The following ZC3H12A variants were observed in gnomAD, a reference collection of about 807,000 sequenced individuals.
ZC3H12A encodes zinc finger CCCH-type containing 12A.
ZC3H12A carries 9 observed loss-of-function variants against 29.9 expected under a neutral mutation model. The ratio of observed to expected loss-of-function variants is 0.30; its 90% confidence interval spans 0.18 to 0.53. The LOEUF is 0.53. ZC3H12A is among the 20% of genes least tolerant of loss of function. ZC3H12A has a pLI of 0.96. For missense variants in ZC3H12A, 617 were observed against 799.0 expected (o/e 0.77, Z 2.75); for synonymous variants, 323 against 338.1 (o/e 0.96, Z 0.49).
chr1:37,480,251 G>C, intron 2 of ZC3H12A, 39 bp from the exon 3 acceptor site: 1 of 1,594,310 alleles, frequency 6.3e-7, no homozygotes, highest in Non-Finnish European at 8.6e-7. Context: ...GTGGCAGGCT[G>C]GCCATCAGTG....
At chr1:37,474,790 C>T (rs1487081086) in intron 1 of ZC3H12A, among the ~76,000 whole-genome samples, 161 bp downstream of exon 1, 1 of 152,072 alleles carries the variant, frequency 6.6e-6, no homozygotes, top group East Asian at 1.9e-4. Context: ...CCCGCCGGGC[C>T]TCAGGACCCC....
chr1:37,482,361 AT>A, intron 4 of ZC3H12A, 72 bp from the exon 5 acceptor site: 1 of 1,332,934 alleles, frequency 7.5e-7, no homozygotes, highest in African/African-American at 1.5e-5. Flanking sequence ...AAGGCTTGCC[AT>A]CGGCCCCTTC....
Position 37,478,767 on chromosome 1 carries a change from T to C in ZC3H12A, c.444-1523T>C, listed in dbSNP as rs1274854668. 1.1e-6 allele frequency: 1 copy of C among 870,148 alleles called. No homozygotes were observed. The highest frequency in any genetic ancestry group is 1.8e-5 in the African/African-American group (1 of 55,000). The allele number at this position is 870,148 out of a possible 1,614,324, so 53.9% of individuals were successfully genotyped here. ...AGGAGTTGATGATGGTATAGTGCCCTCCTCACAAGCTTGCTGATGATTCAG... is the reference window on the plus strand; with the variant it reads ...AGGAGTTGATGATGGTATAGTGCCCCCCTCACAAGCTTGCTGATGATTCAG... On this transcript the variant is annotated intron_variant, in intron 2 of 5. Transcript: ENST00000373087. The surrounding 1 kb of genome is among the most constrained non-coding windows in gnomAD (Gnocchi z 5.2).
At chr1:37,481,247 T>C (rs113710025) in intron 3 of ZC3H12A, among the ~76,000 whole-genome samples, 3 of 152,328 alleles carry the variant, frequency 2.0e-5, no homozygotes, top group African/African-American at 7.2e-5. Context: ...AAGCTGCGGC[T>C]CATTCACGGA....
At position 37,483,592 on chromosome 1, in the gene ZC3H12A, C is replaced by T. The variant is rs776260511; in HGVS notation, c.1781C>T (p.Ser594Phe). Reference sequence around the variant, plus strand: ...GCTGCCGAGATCCTCTCCTACAAGTCCCAGCACCCCAGTGAGTAAGCTGCC... The same window carrying T: ...GCTGCCGAGATCCTCTCCTACAAGTTCCAGCACCCCAGTGAGTAAGCTGCC... ...QLAAEILSYK[S>F]QHPSE Residue 594 changes from serine (S) to phenylalanine (F), a missense_variant, in exon 6 of 6, where the codon TCC becomes TTC. Around this residue, in one of 5 missense-constraint regions of ZC3H12A, gnomAD observed 172 missense variants for 203.1 expected, o/e 0.85. Transcript: ENST00000373087. 6.3e-5 allele frequency: 102 copies of T among 1,608,164 alleles called. No individual in the cohort carries two copies. Among genetic ancestry groups the T allele is most frequent in the Non-Finnish European group, 8.3e-5 (98 of 1,177,916 alleles).
Position 37,479,415 on chromosome 1 carries a change from CT to C in ZC3H12A, c.444-873del. The C allele has an allele frequency of 1.0e-6, 1 of 985,440 alleles. No homozygotes were observed. Among genetic ancestry groups the C allele is most frequent in the Non-Finnish European group, 1.2e-6 (1 of 829,932 alleles). 61.0% of individuals were successfully genotyped at this position (985,440 alleles called of 1,614,324 possible). ...GCGGCAGCCCAGGAGCCCTGCCAGG[CT>C]TCCTTCTGGGTGCAGCCACCTGTGG... On this transcript the variant is annotated intron_variant, in intron 2 of 5. Transcript: ENST00000373087. The surrounding 1 kb of genome is among the most constrained non-coding windows in gnomAD (Gnocchi z 4.5).
In ZC3H12A at chr1:37,483,024, C is replaced by G; in HGVS notation, c.1213C>G (p.Leu405Val). The G allele has an allele frequency of 6.2e-7, 1 of 1,607,810 alleles. No individual in the cohort carries two copies. Among genetic ancestry groups the G allele is most frequent in the East Asian group, 2.2e-5 (1 of 44,568 alleles). Residue 405 changes from leucine to valine, a missense_variant, in exon 6 of 6, where the codon CTC becomes GTC. By Grantham distance (32) the Leu-to-Val change is conservative. This residue lies in a region of ZC3H12A where 115 missense variants were observed against 112.5 expected (regional missense o/e 1.02). Coordinates refer to ENST00000373087, the MANE Select transcript of ZC3H12A (RefSeq NM_025079.3). ...GACCTATGCCCCATCAGGCAGGAGCCTCGCACCTAGCGGGGGCAGTGGCAG... is the reference window on the plus strand; with the variant it reads ...GACCTATGCCCCATCAGGCAGGAGCGTCGCACCTAGCGGGGGCAGTGGCAG... ...TQTYAPSGRS[L>V]APSGGSGSSF...
chr1:37,480,012 G>A, intron 2 of ZC3H12A: 1 of 1,166,036 alleles, frequency 8.6e-7, no homozygotes, highest in Non-Finnish European at 1.1e-6. Flanking sequence ...AGGAGATGGA[G>A]CCTCAGGGAA....
At chr1:37,482,611 C>G (rs215205) in intron 5 of ZC3H12A, 71 bp downstream of exon 5, 482,627 of 1,607,504 alleles carry the variant, frequency 0.3, 78,536 homozygotes, top group African/African-American at 0.51. Context: ...TGCCTGTGCC[C>G]TGTTTTCCTC....
intron 2 of ZC3H12A, 62 bp from the exon 3 acceptor site, chr1:37,480,228 T>C: frequency 1.3e-6 from 2 of 1,566,222 alleles, no homozygotes; most frequent in Non-Finnish European, 1.7e-6. Flanking sequence ...CTCCTCCTGC[T>C]CAGGCCTAGG....
rs533322635 is a variant in ZC3H12A, at chr1:37,475,116, G to A, written c.-38-343G>A. Among the ~76,000 whole-genome samples, 1 of 152,340 alleles carries A rather than the reference G, an allele frequency of 6.6e-6. No individual in the cohort carries two copies. Among genetic ancestry groups the A allele is most frequent in the East Asian group, 1.9e-4 (1 of 5,174 alleles). On this transcript the variant is annotated intron_variant, in intron 1 of 5. Transcript: ENST00000373087. The surrounding 1 kb of genome is among the most constrained non-coding windows in gnomAD (Gnocchi z 5.2). ...CACTTCCAGCCCCAGGATTCCATCT[G>A]AGAGCCCCGTCCCTGCCTTCTGGGT...
In ZC3H12A at chr1:37,478,524, A is replaced by G. The variant is rs546532353; in HGVS notation, c.444-1766A>G. Among the ~76,000 whole-genome samples the G allele has an allele frequency of 2.0e-5, 3 of 152,234 alleles. No individual in the cohort carries two copies. The highest frequency in any genetic ancestry group is 3.4e-3 in the Middle Eastern group (1 of 294). ...GCAAGCCCTATAAGAATGAAGCCAT[A>G]TATCTGGCCACCAGCGGGAGCTCAG... On this transcript the variant is annotated intron_variant, in intron 2 of 5. Transcript: ENST00000373087. The surrounding 1 kb of genome is among the most constrained non-coding windows in gnomAD (Gnocchi z 5.2).
In ZC3H12A at chr1:37,475,796, G is replaced by A. The variant is rs201566088; in HGVS notation, c.300G>A (p.Pro100=). ...TATERERQTS[P]DPCPQLPLVP... The stretch of plus-strand genomic sequence containing the variant: ...CCGAGCGGGAGCGCCAGACCTCACC[G>A]GACCCCTGCCCTCAGCTCCCTCTAG... Residue 100 remains proline (P), a synonymous_variant, in exon 2 of 6, where the codon CCG becomes CCA. Coordinates refer to ENST00000373087, the MANE Select transcript of ZC3H12A (RefSeq NM_025079.3). This position sits in a 1 kb window ranked among gnomAD's most constrained non-coding sequence, Gnocchi z 5.2. 4.5e-5 allele frequency: 73 copies of A among 1,612,482 alleles called. No homozygotes were observed. The highest frequency in any genetic ancestry group is 5.3e-5 in the Non-Finnish European group (63 of 1,179,216).
At chr1:37,482,351 A>G in intron 4 of ZC3H12A, 83 bp from the exon 5 acceptor site, 1 of 1,221,800 alleles carries the variant, frequency 8.2e-7, no homozygotes, top group Non-Finnish European at 1.2e-6. Context: ...TCTTCCCAGC[A>G]AGGCTTGCCA....
rs761282927 is a variant in ZC3H12A, at chr1:37,482,927, G to A, written c.1116G>A (p.Glu372=). Residue 372 remains glutamate (E), a synonymous_variant, in exon 6 of 6, where the codon GAG becomes GAA. Transcript: ENST00000373087. ...CCAGCTCTCTGCTAACAGAGAGTGA[G>A]CAGTGCAGCCTGGATGGGAAGAAGC... The part of the protein sequence containing the change: ...SQSSSLLTES[E]QCSLDGKKLG... 1.7e-4 allele frequency: 273 copies of A among 1,613,702 alleles called. No homozygotes were observed. Among genetic ancestry groups the A allele is most frequent in the Admixed American group, 2.5e-4 (15 of 60,020 alleles).
intron 3 of ZC3H12A, 119 bp from the exon 4 acceptor site, chr1:37,481,482 G>A (rs1641700282): frequency 1.1e-6 from 1 of 924,968 alleles, no homozygotes; most frequent in Non-Finnish European, 1.7e-6. Context: ...GTTAGTTCTT[G>A]CCCCGGTGAC....
rs573290374 is a variant in ZC3H12A, at chr1:37,479,866, G to T, written c.444-424G>T. 8 of 1,004,328 alleles carry T rather than the reference G, an allele frequency of 8.0e-6. No individual in the cohort carries two copies. In the African/African-American group the frequency reaches 1.4e-4, roughly 17 times the overall value. 62.2% of individuals were successfully genotyped at this position (1,004,328 alleles called of 1,614,324 possible). ...TGTGTACATCTGTCCCTGTGGTCCC[G>T]GCAGCTCGCCGGGTGGGGCAGGAAC... On this transcript the variant is annotated intron_variant, in intron 2 of 5. Transcript: ENST00000373087. The surrounding 1 kb of genome is among the most constrained non-coding windows in gnomAD (Gnocchi z 4.5).
In ZC3H12A at chr1:37,483,269, C is replaced by T. The variant is rs1395808898; in HGVS notation, c.1458C>T (p.Ala486=). The change falls in exon 6 of 6, where the codon GCC becomes GCT. Residue 486 remains alanine, a synonymous_variant. Transcript: ENST00000373087. ...TCCCAGCCACCGCAGCCTTCTCTGCCTTTGGCCGGGCCATGGGTGCTGGCC... is the reference window on the plus strand; with the variant it reads ...TCCCAGCCACCGCAGCCTTCTCTGCTTTTGGCCGGGCCATGGGTGCTGGCC... ...SELPATAAFS[A]FGRAMGAGHF... The T allele has an allele frequency of 3.7e-6, 6 of 1,614,080 alleles. No homozygotes were observed. The highest frequency in any genetic ancestry group is 1.1e-5 in the South Asian group (1 of 91,080).
chr1:37,481,924 C>T, intron 4 of ZC3H12A, 89 bp downstream of exon 4: 1 of 1,358,588 alleles, frequency 7.4e-7, no homozygotes, highest in Non-Finnish European at 1.0e-6. Context: ...GGGGGCTGGG[C>T]TCTGCGGGGC....
Sources: gnomAD v4.1 joint callset for allele counts (sites outside exome capture counted in the v4.1 genomes callset) on GRCh38, gnomAD v4.1.1 for gene constraint, gnomAD v4.1.1 regional missense constraint, Gnocchi (gnomAD v3.1) non-coding constraint, MANE v1.5 for transcripts, NCBI Gene and HGNC (gene_info 2026-07-23, HGNC 2026-07-21) for gene names.